PADI4: variants seen among roughly 807,000 people sequenced by gnomAD.
The protein encoded by PADI4 is peptidyl arginine deiminase 4.
In PADI4, 62 loss-of-function variants were observed where a neutral mutation model predicts 75.0. That is an observed-to-expected ratio of 0.83 (90% CI 0.67 to 1.02). The LOEUF (loss-of-function observed/expected upper bound fraction) is 1.02, where lower values mean the gene tolerates loss of function less well. PADI4 is among the 50% of genes least tolerant of loss of function. PADI4 has a pLI of 0.00. For missense variants in PADI4, 845 were observed against 850.5 expected, an observed-to-expected ratio of 0.99 and a Z score of 0.08; for synonymous variants, 361 against 348.1, an observed-to-expected ratio of 1.04 and a Z score of -0.41.
At chr1:17,358,163 G>T (rs1165493016) in intron 13 of PADI4, among the ~76,000 whole-genome samples, 2 of 150,600 alleles carry the variant, frequency 1.3e-5, no homozygotes, top group Non-Finnish European at 3.0e-5. Context: ...CAGGAGAATC[G>T]CTTGAACTCG....
chr1:17,352,505 G>A (rs192488093), intron 10 of PADI4, among the ~76,000 whole-genome samples: 16 of 152,260 alleles, frequency 1.1e-4, no homozygotes, highest in East Asian at 7.7e-4. Flanking sequence ...GAGTGGGCAG[G>A]TGAGGGATGC....
intron 1 of PADI4, among the ~76,000 whole-genome samples, chr1:17,319,871 G>A (rs776906972): frequency 3.3e-5 from 5 of 152,260 alleles, no homozygotes; most frequent in East Asian, 1.9e-4. Flanking sequence ...AGTAGGTCAC[G>A]GGCTGTTTAC....
At chr1:17,332,708 T>C (rs2074236806) in intron 2 of PADI4, among the ~76,000 whole-genome samples, 1 of 152,120 alleles carries the variant, frequency 6.6e-6, no homozygotes, top group South Asian at 2.1e-4. Flanking sequence ...CCCTCTGGGG[T>C]TCCCACAGAT....
At chr1:17,309,484 G>A (rs960964302) in intron 1 of PADI4, among the ~76,000 whole-genome samples, 1 of 151,952 alleles carries the variant, frequency 6.6e-6, no homozygotes, top group East Asian at 1.9e-4. Flanking sequence ...TTTGTTCAGG[G>A]CTCAGTCTTT....
In PADI4 at chr1:17,341,934, C is replaced by T. The variant is rs368873178; in HGVS notation, c.653-9C>T. 6.2e-7 allele frequency: 1 copy of T among 1,610,892 alleles called. No individual in the cohort carries two copies. Among genetic ancestry groups the T allele is most frequent in the Non-Finnish European group, 8.5e-7 (1 of 1,178,024 alleles). On this transcript the variant is annotated splice_polypyrimidine_tract_variant and intron_variant, in intron 6 of 15. Transcript: ENST00000375448. Reference sequence around the variant, plus strand: ...ACGCAGACCTGAGTCTCCCCTGCCTCTCTCCTAGGGGGCAAACTGTCCTCC... The same window carrying T: ...ACGCAGACCTGAGTCTCCCCTGCCTTTCTCCTAGGGGGCAAACTGTCCTCC...
intron 6 of PADI4, among the ~76,000 whole-genome samples, 173 bp downstream of exon 6, chr1:17,339,986 GGACACA>G: frequency 1.3e-5 from 2 of 152,094 alleles, no homozygotes; most frequent in Middle Eastern, 6.8e-3. Context: ...TCCAGTTGGA[GGACACA>G]GACAAAATGA....
intron 1 of PADI4, among the ~76,000 whole-genome samples, chr1:17,313,907 G>C (rs1371291393): frequency 6.6e-6 from 1 of 152,230 alleles, no homozygotes; most frequent in Non-Finnish European, 1.5e-5. Flanking sequence ...TGAACCCCCA[G>C]ATGTTTATGA....
intron 8 of PADI4, among the ~76,000 whole-genome samples, chr1:17,344,932 G>A (rs141299447): frequency 1.1e-3 from 163 of 152,302 alleles, no homozygotes; most frequent in African/African-American, 3.8e-3. Flanking sequence ...TGAGAAGAGG[G>A]CCACTGTCCT....
chr1:17,340,648 A>T (rs544853215), intron 6 of PADI4, among the ~76,000 whole-genome samples: 2 of 149,282 alleles, frequency 1.3e-5, no homozygotes, highest in African/African-American at 4.9e-5. Context: ...GACAGGGCAG[A>T]GGGGAAGGGG....
chr1:17,361,870 C>T (rs1290442587), intron 15 of PADI4, among the ~76,000 whole-genome samples: 1 of 152,168 alleles, frequency 6.6e-6, no homozygotes, highest in African/African-American at 2.4e-5. Context: ...TCTGTCTAGT[C>T]AACAGATGTT....
At position 17,356,327 on chromosome 1, in the gene PADI4, G is replaced by A. The variant is rs1303708645; in HGVS notation, c.1456-30G>A. 1.3e-6 allele frequency: 2 copies of A among 1,509,644 alleles called. No individual in the cohort carries two copies. Among genetic ancestry groups the A allele is most frequent in the South Asian group, 2.4e-5 (2 of 83,736 alleles). The allele number at this position is 1,509,644 out of a possible 1,614,324, so 93.5% of individuals were successfully genotyped here. A position where few individuals can be genotyped will look rare whatever the true frequency, so the allele number is the denominator to read the frequency against. ...CGTTGGGAGCTCCAGGGGCAAAGCTGACTTCTAACCCCAGTGTTTCTGCCT... is the reference window on the plus strand; with the variant it reads ...CGTTGGGAGCTCCAGGGGCAAAGCTAACTTCTAACCCCAGTGTTTCTGCCT... On this transcript the variant is annotated intron_variant, in intron 12 of 15. Coordinates refer to ENST00000375448, the MANE Select transcript of PADI4 (RefSeq NM_012387.3). This position sits in a 1 kb window ranked among gnomAD's most constrained non-coding sequence, Gnocchi z 4.1.
intron 10 of PADI4, among the ~76,000 whole-genome samples, chr1:17,352,244 AGC>A (rs1215940599): frequency 1.1e-3 from 148 of 139,894 alleles, no homozygotes; most frequent in African/African-American, 3.6e-3. Context: ...GGGAGGTGGT[AGC>A]AGAGGTGGTC....
intron 11 of PADI4, 144 bp from the exon 12 acceptor site, chr1:17,355,839 G>A: frequency 1.4e-6 from 1 of 739,018 alleles, no homozygotes; most frequent in Non-Finnish European, 2.4e-6. Context: ...CAAATGTTAG[G>A]GGATAAAATA....
At position 17,348,989 on chromosome 1, in the gene PADI4, C is replaced by T. The variant is rs142280700; in HGVS notation, c.1155+941C>T. The stretch of plus-strand genomic sequence containing the variant: ...CCCAAGGGAGGGGAGAGTGGCCCTG[C>T]CCACACAGAAGGCTTCAGAATGAAA... On this transcript the variant is annotated intron_variant, in intron 10 of 15. Transcript: ENST00000375448. Among the ~76,000 whole-genome samples, 485 of 152,312 alleles carry T rather than the reference C, an allele frequency of 3.2e-3. 6 individuals carry two copies. Among genetic ancestry groups the T allele is most frequent in the African/African-American group, 0.011 (453 of 41,578 alleles).
At chr1:17,345,585 C>T (rs909380769) in intron 8 of PADI4, among the ~76,000 whole-genome samples, 1 of 152,188 alleles carries the variant, frequency 6.6e-6, no homozygotes, top group African/African-American at 2.4e-5. Context: ...GTGGCAGTTT[C>T]TCCCATACTG....
At chr1:17,332,490 T>A (rs2074232238) in intron 2 of PADI4, among the ~76,000 whole-genome samples, 1 of 152,180 alleles carries the variant, frequency 6.6e-6, no homozygotes, top group African/African-American at 2.4e-5. Flanking sequence ...CCTCAAGTGA[T>A]CCACTCACCT....
At chr1:17,322,724 A>G (rs768633496) in intron 1 of PADI4, among the ~76,000 whole-genome samples, 1 of 151,940 alleles carries the variant, frequency 6.6e-6, no homozygotes, top group Non-Finnish European at 1.5e-5. Flanking sequence ...GGGTCCCAAG[A>G]TGTATTTTCC....
At chr1:17,355,586 T>A (rs2074746575) in intron 11 of PADI4, among the ~76,000 whole-genome samples, 1 of 149,864 alleles carries the variant, frequency 6.7e-6, no homozygotes, top group Non-Finnish European at 1.5e-5. Context: ...CAACACTAAT[T>A]TTTTTTTTTA....
chr1:17,347,780 C>T (rs1024306498), intron 9 of PADI4, 161 bp from the exon 10 acceptor site: 3 of 469,034 alleles, frequency 6.4e-6, no homozygotes, highest in African/African-American at 5.9e-5. Flanking sequence ...GGGCAATAAG[C>T]TCCGCTTCTG....
Sources: allele counts gnomAD v4.1 joint callset (sites outside exome capture counted in the v4.1 genomes callset), GRCh38; gene constraint gnomAD v4.1.1; non-coding constraint Gnocchi (gnomAD v3.1); transcripts MANE v1.5; gene names NCBI Gene and HGNC (gene_info 2026-07-23, HGNC 2026-07-21).